The following LTV1 variants were observed in gnomAD, a reference collection of about 807,000 sequenced individuals.
LTV1 encodes LTV1 ribosome biogenesis factor.
In LTV1, 39 loss-of-function variants were observed where a neutral mutation model predicts 59.9. That is an observed-to-expected ratio of 0.65 (90% confidence interval 0.50 to 0.85). LTV1 has a LOEUF of 0.85. LTV1 is among the 40% of genes least tolerant of loss of function. The pLI is 0.00. For missense variants in LTV1, 493 were observed against 549.1 expected (o/e 0.90, Z 1.02); for synonymous variants, 171 against 189.5 (o/e 0.90, Z 0.80).
intron 6 of LTV1, among the ~76,000 whole-genome samples, chr6:143,859,307 C>G (rs968955403): frequency 2.6e-5 from 4 of 152,192 alleles, no homozygotes; most frequent in African/African-American, 7.2e-5. Context: ...TTAATCCCAC[C>G]TATCCTGTTG....
chr6:143,858,639 G>A (rs1328338632), intron 6 of LTV1: 6 of 153,356 alleles, frequency 3.9e-5, no homozygotes, highest in Non-Finnish European at 8.7e-5. Flanking sequence ...TTCCTTCAAG[G>A]TGACTCTAAA....
chr6:143,860,284 C>T (rs552968183), intron 6 of LTV1, 142 bp from the exon 7 acceptor site: 1 of 637,272 alleles, frequency 1.6e-6, no homozygotes, highest in Admixed American at 3.0e-5. Context: ...CATTAAATCC[C>T]TACTGATATT....
intron 4 of LTV1, among the ~76,000 whole-genome samples, chr6:143,856,512 G>A (rs1777079394): frequency 6.6e-6 from 1 of 152,164 alleles, no homozygotes; most frequent in African/African-American, 2.4e-5. Context: ...AAGAGAAGAG[G>A]CATTCTGGTT....
intron 2 of LTV1, among the ~76,000 whole-genome samples, chr6:143,844,950 A>T (rs952666649): frequency 3.3e-5 from 5 of 152,306 alleles, no homozygotes; most frequent in African/African-American, 1.2e-4. Context: ...AAAGATCTTT[A>T]TTTGAGATGT....
At position 143,863,411 on chromosome 6, in the gene LTV1, T is replaced by C. The variant is rs996065965; in HGVS notation, c.1318-6T>C. Reference sequence around the variant, plus strand: ...TAATACAAGTATATTCTTGTACTTATAACAGGAACGAAGAGTGGAGAAGAA... The same window carrying C: ...TAATACAAGTATATTCTTGTACTTACAACAGGAACGAAGAGTGGAGAAGAA... On this transcript the variant is annotated splice_region_variant and splice_polypyrimidine_tract_variant and intron_variant, in intron 10 of 10. Transcript: ENST00000367576. This position sits in a 1 kb window ranked among gnomAD's most constrained non-coding sequence, Gnocchi z 4.5. 9.3e-6 allele frequency: 15 copies of C among 1,610,472 alleles called. No individual in the cohort carries two copies. Among genetic ancestry groups the C allele is most frequent in the East Asian group, 2.2e-5 (1 of 44,810 alleles).
rs998952335 is a variant in LTV1, at chr6:143,857,685, T to C, written c.540-67T>C. 11 of 1,551,298 alleles carry C rather than the reference T, an allele frequency of 7.1e-6. No individual in the cohort carries two copies. The highest frequency in any genetic ancestry group is 1.4e-5 in the African/African-American group (1 of 73,576). The stretch of plus-strand genomic sequence containing the variant: ...CTGAAATACCTTCCAATTTTACTTG[T>C]GTAAAGTGGTTTTGTTCTGTTACTT... On this transcript the variant is annotated intron_variant, in intron 5 of 10. Transcript: ENST00000367576. The surrounding 1 kb of genome is among the most constrained non-coding windows in gnomAD (Gnocchi z 5.2).
chr6:143,856,685 G>C (rs1437379802), intron 4 of LTV1, among the ~76,000 whole-genome samples: 2 of 152,184 alleles, frequency 1.3e-5, no homozygotes, highest in Non-Finnish European at 2.9e-5. Flanking sequence ...CTAACAGTCA[G>C]ACCCCTCTGC....
At position 143,850,175 on chromosome 6, in the gene LTV1, T is replaced by A. The variant is rs1191767480; in HGVS notation, c.354T>A (p.Phe118Leu). 6.2e-7 allele frequency: 1 copy of A among 1,613,966 alleles called. No homozygotes were observed. Among genetic ancestry groups the A allele is most frequent in the Admixed American group, 1.7e-5 (1 of 60,008 alleles). Reference protein sequence around the residue: ...KLPSSVFASEFEEDVGLLNKA... With the variant: ...KLPSSVFASELEEDVGLLNKA... ...CTTCATCAGTGTTTGCTTCAGAGTT[T>A]GAGGAAGATGTTGGATTGTTAAATA... Residue 118 changes from phenylalanine (F) to leucine (L), a missense_variant, in exon 4 of 11, where the codon TTT becomes TTA. Phe to Leu is a conservative substitution (Grantham distance 22, BLOSUM62 0). Transcript: ENST00000367576.
rs745438304 is a variant in LTV1, at chr6:143,863,398, A to T, written c.1318-19A>T. The stretch of plus-strand genomic sequence containing the variant: ...TTAAAGATGTGAATAATACAAGTAT[A>T]TTCTTGTACTTATAACAGGAACGAA... On this transcript the variant is annotated intron_variant, in intron 10 of 10. Coordinates refer to ENST00000367576, the MANE Select transcript of LTV1 (RefSeq NM_032860.5). This position sits in a 1 kb window ranked among gnomAD's most constrained non-coding sequence, Gnocchi z 4.5. The T allele has an allele frequency of 3.7e-6, 6 of 1,604,316 alleles. No homozygotes were observed. In the Admixed American group the frequency reaches 1.0e-4, roughly 27 times the overall value.
chr6:143,857,294 T>G lies in LTV1; in HGVS notation c.398-9T>G. 1 of 1,613,570 alleles carries G rather than the reference T, an allele frequency of 6.2e-7. No individual in the cohort carries two copies. The highest frequency in any genetic ancestry group is 8.5e-7 in the Non-Finnish European group (1 of 1,179,634). On this transcript the variant is annotated splice_polypyrimidine_tract_variant and intron_variant, in intron 4 of 10. Transcript: ENST00000367576. The surrounding 1 kb of genome is among the most constrained non-coding windows in gnomAD (Gnocchi z 5.2). Reference sequence around the variant, plus strand: ...GGGAATTACTGCTTAATTTTTGTTTTCCTTCTAGGACCTCGACTGGATTTT... The same window carrying G: ...GGGAATTACTGCTTAATTTTTGTTTGCCTTCTAGGACCTCGACTGGATTTT...
In LTV1 at chr6:143,862,337, C is replaced by A; in HGVS notation, c.1063+94C>A. The A allele has an allele frequency of 8.5e-7, 1 of 1,171,906 alleles. No homozygotes were observed. Among genetic ancestry groups the A allele is most frequent in the Non-Finnish European group, 1.2e-6 (1 of 840,884 alleles). 72.6% of individuals were successfully genotyped at this position (1,171,906 alleles called of 1,614,324 possible). A position where few individuals can be genotyped will look rare whatever the true frequency, so the allele number is the denominator to read the frequency against. On this transcript the variant is annotated intron_variant, in intron 8 of 10. Coordinates refer to ENST00000367576, the MANE Select transcript of LTV1 (RefSeq NM_032860.5). The surrounding 1 kb of genome is among the most constrained non-coding windows in gnomAD (Gnocchi z 4.2). ...TGCCTCACGCCTGTAGTAATCCCAG[C>A]ACTTTGGGAGGCCGAGGCGGGTGGG...
At chr6:143,854,961 T>G (rs1777048117) in intron 4 of LTV1, among the ~76,000 whole-genome samples, 1 of 152,166 alleles carries the variant, frequency 6.6e-6, no homozygotes, top group Admixed American at 6.5e-5. Context: ...GTCTATTAGG[T>G]CTGCTTGGTC....
At chr6:143,849,616 A>G (rs779290006) in intron 3 of LTV1, among the ~76,000 whole-genome samples, 2 of 152,228 alleles carry the variant, frequency 1.3e-5, no homozygotes, top group Non-Finnish European at 2.9e-5. Context: ...CATGTTTAAC[A>G]TATATACAAC....
At chr6:143,856,793 C>T (rs74439477) in intron 4 of LTV1, among the ~76,000 whole-genome samples, 10 of 152,212 alleles carry the variant, frequency 6.6e-5, no homozygotes, top group Admixed American at 3.3e-4. Flanking sequence ...GCTGCTTGTT[C>T]CTTCCTCTGG....
chr6:143,850,333 G>T, intron 4 of LTV1, 115 bp downstream of exon 4: 1 of 710,628 alleles, frequency 1.4e-6, no homozygotes, highest in East Asian at 2.6e-5. Context: ...AGATATGTCT[G>T]GAATTCAGAT....
At chr6:143,843,787 C>T (rs1389782336) in intron 1 of LTV1, among the ~76,000 whole-genome samples, 1 of 152,216 alleles carries the variant, frequency 6.6e-6, no homozygotes, top group Non-Finnish European at 1.5e-5. Context: ...CACAAACGCG[C>T]AACCCTGTGC....
At chr6:143,860,350 T>A in intron 6 of LTV1, 76 bp from the exon 7 acceptor site, 1 of 1,347,878 alleles carries the variant, frequency 7.4e-7, no homozygotes, top group Non-Finnish European at 1.0e-6. Context: ...AAAGTTAATG[T>A]AAAAAAATTT....
At chr6:143,861,324 G>A (rs1015638132) in intron 7 of LTV1, among the ~76,000 whole-genome samples, 8 of 151,854 alleles carry the variant, frequency 5.3e-5, no homozygotes, top group Non-Finnish European at 8.8e-5. Flanking sequence ...TGTAATCCCA[G>A]CTGTTTGGGA....
intron 4 of LTV1, among the ~76,000 whole-genome samples, chr6:143,856,062 G>T (rs1777071307): frequency 2.0e-5 from 3 of 152,082 alleles, no homozygotes; most frequent in African/African-American, 7.2e-5. Context: ...TCACTTTCAG[G>T]TACACCAATC....
Sources: allele counts gnomAD v4.1 joint callset (sites outside exome capture counted in the v4.1 genomes callset), GRCh38; gene constraint gnomAD v4.1.1; non-coding constraint Gnocchi (gnomAD v3.1); transcripts MANE v1.5; gene names NCBI Gene and HGNC (gene_info 2026-07-23, HGNC 2026-07-21).